Variants in PLCB4 observed in about 807,000 individuals in gnomAD.
PLCB4 encodes the protein phospholipase C beta 4.
PLCB4 carries 77 observed loss-of-function variants against 178.8 expected under a neutral mutation model. That is an observed-to-expected ratio of 0.43 (90% CI 0.36 to 0.52). The LOEUF (loss-of-function observed/expected upper bound fraction) is 0.52. Ranked by LOEUF, PLCB4 falls within the 20% of genes least tolerant of loss-of-function variation. The pLI, the probability that PLCB4 is intolerant of heterozygous loss-of-function variation, is 0.00. For missense variants in PLCB4, 1,024 were observed against 1,453.4 expected, an observed-to-expected ratio of 0.70 and a Z score of 4.80; for synonymous variants, 496 against 490.8, an observed-to-expected ratio of 1.01 and a Z score of -0.14.
intron 1 of PLCB4, among the ~76,000 whole-genome samples, chr20:9,079,360 G>A (rs1483479684): frequency 6.6e-6 from 1 of 152,084 alleles, no homozygotes; most frequent in Admixed American, 6.5e-5. Flanking sequence ...CAGCAGTGAC[G>A]GGGAGTTAGT....
intron 13 of PLCB4, among the ~76,000 whole-genome samples, chr20:9,382,345 G>A (rs1246271284): frequency 1.3e-5 from 2 of 152,104 alleles, no homozygotes; most frequent in Non-Finnish European, 2.9e-5. Context: ...GGTCCACACA[G>A]CAGCCAGAGT....
intron 39 of PLCB4, among the ~76,000 whole-genome samples, chr20:9,478,209 C>T (rs969043169): frequency 1.1e-4 from 17 of 152,036 alleles, no homozygotes; most frequent in African/African-American, 3.4e-4. Context: ...TTCCTCTTCT[C>T]GAATTAGCTG....
intron 2 of PLCB4, among the ~76,000 whole-genome samples, chr20:9,133,600 A>C (rs769843628): frequency 6.6e-6 from 1 of 152,154 alleles, no homozygotes; most frequent in East Asian, 1.9e-4. Context: ...TGTCCCTACA[A>C]GCTTGTGAGT....
chr20:9,392,551 C>T (rs912193649), intron 17 of PLCB4, among the ~76,000 whole-genome samples: 1 of 152,130 alleles, frequency 6.6e-6, no homozygotes, highest in African/African-American at 2.4e-5. Flanking sequence ...TGCCTCAAGA[C>T]CCTATTCTCC....
At chr20:9,177,374 C>G (rs2093172610) in intron 2 of PLCB4, among the ~76,000 whole-genome samples, 1 of 152,150 alleles carries the variant, frequency 6.6e-6, no homozygotes, top group Non-Finnish European at 1.5e-5. Flanking sequence ...ACTAATTAAA[C>G]TACTGCTGTT....
intron 32 of PLCB4, among the ~76,000 whole-genome samples, chr20:9,447,515 C>G (rs945601210): frequency 7.2e-5 from 11 of 152,180 alleles, no homozygotes; most frequent in Non-Finnish European, 1.2e-4. Context: ...CAGCTCAGAA[C>G]TAACACACCA....
chr20:9,099,841 C>T (rs1017073438), intron 2 of PLCB4, among the ~76,000 whole-genome samples: 1 of 152,108 alleles, frequency 6.6e-6, no homozygotes, highest in Non-Finnish European at 1.5e-5. Flanking sequence ...GGCCCATATC[C>T]CCTGACAAGC....
intron 2 of PLCB4, among the ~76,000 whole-genome samples, chr20:9,122,629 A>G (rs1267882463): frequency 6.6e-6 from 1 of 152,196 alleles, no homozygotes; most frequent in South Asian, 2.1e-4. Context: ...TTCAGACATT[A>G]GAAGTAGGGA....
At chr20:9,217,754 T>G (rs2093749359) in intron 3 of PLCB4, among the ~76,000 whole-genome samples, 1 of 152,240 alleles carries the variant, frequency 6.6e-6, no homozygotes, top group South Asian at 2.1e-4. Context: ...AAGTGATCAT[T>G]GTCTACAATT....
At chr20:9,346,997 C>T (rs1233938412) in intron 7 of PLCB4, among the ~76,000 whole-genome samples, 2 of 152,178 alleles carry the variant, frequency 1.3e-5, no homozygotes, top group African/African-American at 4.8e-5. Flanking sequence ...TCTCTCCTAG[C>T]AGCTGCTACC....
chr20:9,436,981 A>T (rs2041812310), intron 29 of PLCB4, 21 bp from the exon 30 acceptor site: 2 of 1,612,432 alleles, frequency 1.2e-6, no homozygotes, highest in Admixed American at 1.7e-5. Flanking sequence ...ATTTGGGTCA[A>T]TGTAAATGTT....
intron 3 of PLCB4, among the ~76,000 whole-genome samples, chr20:9,303,602 G>T (rs1201367716): frequency 6.6e-6 from 1 of 152,124 alleles, no homozygotes; most frequent in African/African-American, 2.4e-5. Flanking sequence ...GGATACTTGG[G>T]TTGATTCCAT....
chr20:9,267,551 AT>A (rs1341822130), intron 3 of PLCB4, among the ~76,000 whole-genome samples: 1 of 151,954 alleles, frequency 6.6e-6, no homozygotes, highest in Non-Finnish European at 1.5e-5. Flanking sequence ...TTTTGAGGTT[AT>A]TTTTCTCTCT....
At chr20:9,076,127 G>A (rs753928307) in intron 1 of PLCB4, among the ~76,000 whole-genome samples, 33 of 152,038 alleles carry the variant, frequency 2.2e-4, no homozygotes, top group Non-Finnish European at 3.5e-4. Context: ...AAAGTTGAGG[G>A]GGGAAGGGCA....
In PLCB4 at chr20:9,408,080, A is replaced by T. The variant is rs145741608; in HGVS notation, c.1789+22A>T. The T allele has an allele frequency of 1.3e-5, 21 of 1,585,460 alleles. No individual in the cohort carries two copies. The African/African-American group carries it at 2.3e-4, about 18-fold the overall frequency. ...GAAGGTAACACCAAAGGTTAAATGC[A>T]GTCGCCTTTTTTGCTTGATTTTCTT... On this transcript the variant is annotated intron_variant, in intron 22 of 39. Coordinates refer to ENST00000378473, the MANE Select transcript of PLCB4 (RefSeq NM_001377142.1).
intron 30 of PLCB4, among the ~76,000 whole-genome samples, chr20:9,439,497 G>A (rs1183191004): frequency 1.3e-5 from 2 of 152,184 alleles, no homozygotes; most frequent in Admixed American, 1.3e-4. Context: ...GTATAACACA[G>A]ATAGATTTTA....
At chr20:9,137,711 A>G (rs12481258) in intron 2 of PLCB4, among the ~76,000 whole-genome samples, 33,253 of 150,514 alleles carry the variant, frequency 0.22, 4,945 homozygotes, top group East Asian at 0.55. Flanking sequence ...TATGTTTCTC[A>G]TCCCTTTAAT....
In PLCB4 at chr20:9,460,322, G is replaced by T. The variant is rs74384556; in HGVS notation, c.3248+512G>T. Among the ~76,000 whole-genome samples the T allele has an allele frequency of 6.1e-3, 929 of 152,258 alleles. 9 individuals carry two copies. The highest frequency in any genetic ancestry group is 0.021 in the African/African-American group (854 of 41,562). On this transcript the variant is annotated intron_variant, in intron 35 of 39. Coordinates refer to ENST00000378473, the MANE Select transcript of PLCB4 (RefSeq NM_001377142.1). ...GAACTGGCCTTTGGAGAATGATCTG[G>T]AGTCTCTTAGGTAGAAAAGACACAC...
At chr20:9,090,080 G>GA (rs1418423687) in intron 1 of PLCB4, among the ~76,000 whole-genome samples, 1 of 152,132 alleles carries the variant, frequency 6.6e-6, no homozygotes, top group African/African-American at 2.4e-5. Context: ...GTGTCTTTGT[G>GA]AAAGTATCTT....
Sources: gnomAD v4.1 joint callset for allele counts (sites outside exome capture counted in the v4.1 genomes callset) on GRCh38, gnomAD v4.1.1 for gene constraint, MANE v1.5 for transcripts, NCBI Gene and HGNC (gene_info 2026-07-23, HGNC 2026-07-21) for gene names.